Variants in APP observed in about 807,000 individuals in gnomAD.
The protein encoded by APP is amyloid beta precursor protein, also known as amyloid-beta precursor protein.
A neutral mutation model predicts 101.4 loss-of-function variants in APP; 31 were observed. The observed-to-expected ratio is 0.31, with a 90% CI of 0.23 to 0.41. The LOEUF (loss-of-function observed/expected upper bound fraction) is 0.41, where lower values mean the gene tolerates loss of function less well. Ranked by LOEUF, APP falls within the 10% of genes least tolerant of loss-of-function variation. APP has a pLI of 1.00. For synonymous variants in APP, 366 were observed against 364.4 expected, an observed-to-expected ratio of 1.00 and a Z score of -0.05; for missense variants, 839 against 1,003.7, an observed-to-expected ratio of 0.84 and a Z score of 2.22.
intron 1 of APP, among the ~76,000 whole-genome samples, chr21:26,115,649 G>A (rs1234469213): frequency 2.6e-5 from 4 of 152,080 alleles, no homozygotes; most frequent in African/African-American, 9.7e-5. Flanking sequence ...TCCAAGAAAT[G>A]ACTTAATAAA....
intron 6 of APP, among the ~76,000 whole-genome samples, chr21:26,001,514 T>C (rs1258658959): frequency 6.6e-6 from 1 of 152,236 alleles, no homozygotes; most frequent in African/African-American, 2.4e-5. Flanking sequence ...CAACAGATTC[T>C]TTTTTTCTTT....
intron 11 of APP, among the ~76,000 whole-genome samples, chr21:25,971,432 A>T (rs1437108325): frequency 6.6e-6 from 1 of 152,244 alleles, no homozygotes; most frequent in Non-Finnish European, 1.5e-5. Flanking sequence ...TACAGCTGCC[A>T]AACTCATGGC....
chr21:26,134,911 AT>A (rs1173941037), intron 1 of APP, among the ~76,000 whole-genome samples: 1 of 152,184 alleles, frequency 6.6e-6, no homozygotes, highest in Non-Finnish European at 1.5e-5. Flanking sequence ...GAGTCAAGAT[AT>A]TTGTTCTTCC....
At chr21:26,000,209 C>T in intron 6 of APP, 27 bp from the exon 7 acceptor site, 6 of 1,613,738 alleles carry the variant, frequency 3.7e-6, no homozygotes, top group South Asian at 1.1e-5. Context: ...TGGGGAACCA[C>T]ATTTAGCATG....
chr21:26,163,165 C>T (rs1272207302), intron 1 of APP, among the ~76,000 whole-genome samples: 1 of 138,732 alleles, frequency 7.2e-6, no homozygotes. Context: ...TGCTTGAACC[C>T]GGGAGGCAGA....
chr21:26,003,934 C>T (rs964678090), intron 6 of APP, among the ~76,000 whole-genome samples: 8 of 152,212 alleles, frequency 5.3e-5, no homozygotes, highest in Non-Finnish European at 1.0e-4. Flanking sequence ...TATATTCCTA[C>T]TCTACTACAG....
Position 26,009,409 on chromosome 21 carries a change from T to C in APP, c.866-9227A>G, listed in dbSNP as rs1034488036. Among the ~76,000 whole-genome samples the C allele has an allele frequency of 5.8e-4, 89 of 152,264 alleles. 1 individual carries two copies. The highest frequency in any genetic ancestry group is 7.4e-5 in the Non-Finnish European group (5 of 68,022). On this transcript the variant is annotated intron_variant, in intron 6 of 17. Transcript: ENST00000346798. The stretch of plus-strand genomic sequence containing the variant: ...CTTAGATCCAGTACCAAGATCATAA[T>C]TTTCTTACTCATATTAAGACTATTG...
chr21:26,014,720 A>T (rs561091343), intron 6 of APP, among the ~76,000 whole-genome samples: 1 of 152,356 alleles, frequency 6.6e-6, no homozygotes, highest in Admixed American at 6.5e-5. Context: ...TATTGGTGAA[A>T]TGTATAGCAA....
In APP at chr21:25,996,988, C is replaced by T. The variant is rs45610237; in HGVS notation, c.1090+372G>A. On this transcript the variant is annotated intron_variant, in intron 8 of 17. Coordinates refer to ENST00000346798, the MANE Select transcript of APP (RefSeq NM_000484.4). ...CCTTCCACTGCACCTAGCCCTTGTTCTTCAGTTCTGCAAAAGCAGTGAGAG... is the reference window on the plus strand; with the variant it reads ...CCTTCCACTGCACCTAGCCCTTGTTTTTCAGTTCTGCAAAAGCAGTGAGAG... Among the ~76,000 whole-genome samples the T allele has an allele frequency of 9.5e-4, 145 of 152,328 alleles. 3 individuals are homozygous for T. In the East Asian group the frequency reaches 0.027, roughly 28 times the overall value.
intron 2 of APP, among the ~76,000 whole-genome samples, chr21:26,110,627 T>G (rs1299725862): frequency 6.6e-6 from 1 of 152,164 alleles, no homozygotes; most frequent in Admixed American, 6.6e-5. Flanking sequence ...AATTAGAGCT[T>G]GTCCTTTCTT....
At chr21:25,892,356 T>C (rs2037755334) in intron 16 of APP, among the ~76,000 whole-genome samples, 3 of 152,150 alleles carry the variant, frequency 2.0e-5, no homozygotes, top group Admixed American at 1.3e-4. Context: ...GACTTAGGTG[T>C]TTTTCAACTC....
chr21:25,997,364 A>T lies in APP; in HGVS notation c.1086T>A (p.Val362=). ...TTQEPLARDP[V]KLPTTAASTP... Reference sequence around the variant, plus strand: ...CTCAGGTGAATGACAACGTACGTTTAACAGGATCTCGGGCAAGAGGTTCCT... The same window carrying T: ...CTCAGGTGAATGACAACGTACGTTTTACAGGATCTCGGGCAAGAGGTTCCT... The change falls in exon 8 of 18, where the codon GTT becomes GTA. Residue 362 remains valine (V), a synonymous_variant. Transcript: ENST00000346798. 6.2e-7 allele frequency: 1 copy of T among 1,613,842 alleles called. No homozygotes were observed. The highest frequency in any genetic ancestry group is 8.5e-7 in the Non-Finnish European group (1 of 1,179,698).
chr21:26,034,671 A>G (rs2045017175), intron 5 of APP, among the ~76,000 whole-genome samples: 1 of 150,492 alleles, frequency 6.6e-6, no homozygotes, highest in Admixed American at 6.6e-5. Context: ...AGAAAAAAAG[A>G]AAAGAAAAAG....
intron 1 of APP, among the ~76,000 whole-genome samples, chr21:26,158,650 G>A (rs1210576392): frequency 6.6e-6 from 1 of 152,154 alleles, no homozygotes; most frequent in Non-Finnish European, 1.5e-5. Context: ...CTAAGAAAAT[G>A]AAGTTCAAAC....
intron 1 of APP, among the ~76,000 whole-genome samples, chr21:26,131,638 A>G (rs2062799306): frequency 6.6e-6 from 1 of 152,258 alleles, no homozygotes; most frequent in South Asian, 2.1e-4. Flanking sequence ...ATGTCCAGTC[A>G]TAAGAAGCTC....
intron 11 of APP, among the ~76,000 whole-genome samples, chr21:25,969,977 G>A (rs1264186483): frequency 1.5e-5 from 2 of 132,002 alleles, no homozygotes; most frequent in African/African-American, 3.6e-5. Context: ...AGGGAAGGAA[G>A]GAAGGCAGGA....
At chr21:25,975,829 G>T in intron 10 of APP, 125 bp downstream of exon 10, 1 of 773,780 alleles carries the variant, frequency 1.3e-6, no homozygotes. Context: ...ATTAAGAACA[G>T]CTGAAGTTCA....
At chr21:25,943,015 A>C (rs886491999) in intron 13 of APP, 3 of 152,146 alleles carry the variant, frequency 2.0e-5, no homozygotes, top group African/African-American at 7.2e-5. Flanking sequence ...CTATGAATTT[A>C]CTACCCTAGG....
intron 1 of APP, among the ~76,000 whole-genome samples, chr21:26,150,602 T>TAGAC (rs1367060505): frequency 2.1e-5 from 3 of 144,698 alleles, no homozygotes; most frequent in South Asian, 2.2e-4. Context: ...GACATCTAGA[T>TAGAC]AGACAGATAG....
Sources: allele counts gnomAD v4.1 joint callset (sites outside exome capture counted in the v4.1 genomes callset), GRCh38; gene constraint gnomAD v4.1.1; transcripts MANE v1.5; gene names NCBI Gene and HGNC (gene_info 2026-07-23, HGNC 2026-07-21).